RPS3: variants seen among roughly 807,000 people sequenced by gnomAD.
RPS3 encodes ribosomal protein S3.
A neutral mutation model predicts 25.8 loss-of-function variants in RPS3; 2 were observed. That is an observed-to-expected ratio of 0.08 (90% CI 0.03 to 0.24). The LOEUF is 0.24. Ranked by LOEUF, RPS3 falls within the 10% of genes least tolerant of loss-of-function variation. The pLI, the probability that RPS3 is intolerant of heterozygous loss-of-function variation, is 1.00. For missense variants in RPS3, 107 were observed against 307.1 expected, an observed-to-expected ratio of 0.35 and a Z score of 4.87; for synonymous variants, 114 against 114.2, an observed-to-expected ratio of 1.00 and a Z score of 0.01.
rs973917857 is a variant in RPS3 at position 75,404,485 on chromosome 11, A to G, written c.539-187A>G. 3 of 799,856 alleles carry G rather than the reference A, an allele frequency of 3.8e-6. No homozygotes were observed. Among genetic ancestry groups the G allele is most frequent in the East Asian group, 2.4e-5 (1 of 41,160 alleles). The allele number at this position is 799,856 out of a possible 1,614,324, so 49.5% of individuals were successfully genotyped here. On this transcript the variant is annotated intron_variant, in intron 5 of 6. Coordinates refer to ENST00000531188, the MANE Select transcript of RPS3 (RefSeq NM_001005.5). The surrounding 1 kb of genome is among the most constrained non-coding windows in gnomAD (Gnocchi z 4.6). ...CCTGCTCTTGGTCCTTGTCAGTGCC[A>G]TGTTCTGTGGTGCTGTGCACGAGTT...
chr11:75,400,618 A>G (rs1049045083), intron 1 of RPS3, 76 bp from the exon 2 acceptor site: 134 of 1,586,704 alleles, frequency 8.4e-5, no homozygotes, highest in Non-Finnish European at 1.1e-4. Flanking sequence ...GCATTGACTA[A>G]TAAGACTAGA....
chr11:75,408,173 T>C (rs1948307116), downstream of RPS3, among the ~76,000 whole-genome samples: 2 of 152,172 alleles, frequency 1.3e-5, no homozygotes, highest in African/African-American at 2.4e-5. Flanking sequence ...GATTATTGAA[T>C]TATCAAAGTG....
At chr11:75,405,376 G>A (rs1948271676) in intron 6 of RPS3, 1 of 290,114 alleles carries the variant, frequency 3.4e-6, no homozygotes, top group East Asian at 9.7e-5. Flanking sequence ...TCCTTTAGCA[G>A]CCCCTGTAAA....
At chr11:75,400,348 A>G (rs1316474593) in intron 1 of RPS3, 2 of 521,300 alleles carry the variant, frequency 3.8e-6, no homozygotes, top group Non-Finnish European at 7.6e-6. Context: ...TAAATAGGCC[A>G]TTAGAGCAGT....
intron 6 of RPS3, among the ~76,000 whole-genome samples, chr11:75,414,544 G>T (rs1367299939): frequency 6.6e-6 from 1 of 152,178 alleles, no homozygotes; most frequent in Non-Finnish European, 1.5e-5. Context: ...CCAGGAGGCG[G>T]AGCTTGCAGT....
chr11:75,408,480 T>TA (rs1554990311), downstream of RPS3, among the ~76,000 whole-genome samples: 70 of 140,408 alleles, frequency 5.0e-4, no homozygotes, highest in East Asian at 1.4e-3. Context: ...CTCAAAAAAA[T>TA]AAAAAAAAAA....
chr11:75,410,487 C>G (rs1289969746), downstream of RPS3, among the ~76,000 whole-genome samples: 328 of 150,356 alleles, frequency 2.2e-3, 2 homozygotes, highest in African/African-American at 7.9e-3. Context: ...TGGGCAGAGA[C>G]GCTCCTCACT....
downstream of RPS3, among the ~76,000 whole-genome samples, chr11:75,411,097 C>T (rs565046508): frequency 3.9e-4 from 59 of 152,090 alleles, 1 homozygote; most frequent in African/African-American, 1.4e-3. Context: ...AGGATGGTCT[C>T]GATCTCTTGA....
At chr11:75,402,093 G>A in intron 3 of RPS3, 1 of 565,174 alleles carries the variant, frequency 1.8e-6, no homozygotes, top group Non-Finnish European at 3.2e-6. Context: ...GTATATGATG[G>A]TGGTGTCCGA....
rs1948287757 is a variant in RPS3, at chr11:75,406,342, C to T, written c.*732C>T. ...TTTTTCAGGCAAAACTAGTGAGGGACAGGTTGGCTTGAAAATCATGAGACT... is the reference window on the plus strand; with the variant it reads ...TTTTTCAGGCAAAACTAGTGAGGGATAGGTTGGCTTGAAAATCATGAGACT... On this transcript the variant is annotated 3_prime_UTR_variant, in exon 7 of 7. Coordinates refer to ENST00000531188, the MANE Select transcript of RPS3 (RefSeq NM_001005.5). 6.6e-6 allele frequency: 1 copy of T among 152,210 alleles called. No homozygotes were observed. Among genetic ancestry groups the T allele is most frequent in the African/African-American group, 2.4e-5 (1 of 41,460 alleles). The allele number at this position is 152,210 out of a possible 1,614,324, so 9.4% of individuals were successfully genotyped here. A position where few individuals can be genotyped will look rare whatever the true frequency, so the allele number is the denominator to read the frequency against.
intron 3 of RPS3, 152 bp from the exon 4 acceptor site, chr11:75,402,200 C>A: frequency 2.7e-6 from 3 of 1,117,810 alleles, no homozygotes; most frequent in Non-Finnish European, 3.9e-6. Flanking sequence ...TTGTGTTGGG[C>A]CACAATCAAA....
intron 2 of RPS3, among the ~76,000 whole-genome samples, 188 bp downstream of exon 2, chr11:75,401,012 A>G (rs550015312): frequency 1.2e-4 from 18 of 152,200 alleles, no homozygotes; most frequent in Non-Finnish European, 2.2e-4. Flanking sequence ...CCTCCCGAGT[A>G]GCTGGGACTA....
intron 6 of RPS3, among the ~76,000 whole-genome samples, chr11:75,418,100 A>G (rs1948413932): frequency 6.6e-6 from 1 of 152,202 alleles, no homozygotes; most frequent in Non-Finnish European, 1.5e-5. Flanking sequence ...GTTTTCCACA[A>G]GTCTGCCCCA....
chr11:75,400,021 C>A (rs1378833120), intron 1 of RPS3, among the ~76,000 whole-genome samples: 3 of 152,162 alleles, frequency 2.0e-5, no homozygotes, highest in Non-Finnish European at 4.4e-5. Context: ...TTGCTTGCTC[C>A]GTCTGGGGAC....
At chr11:75,413,668 GCA>G (rs1466664856) in intron 6 of RPS3, among the ~76,000 whole-genome samples, 5 of 152,172 alleles carry the variant, frequency 3.3e-5, no homozygotes, top group African/African-American at 9.7e-5. Context: ...GCAGCTTAAT[GCA>G]CAGTTTGTTC....
intron 4 of RPS3, 124 bp downstream of exon 4, chr11:75,402,570 A>G (rs985640679): frequency 9.9e-7 from 1 of 1,007,380 alleles, no homozygotes; most frequent in Non-Finnish European, 1.4e-6. Flanking sequence ...CCAGGGTTAT[A>G]ATAAGATACT....
At chr11:75,402,117 G>A (rs975679619) in intron 3 of RPS3, 10 of 587,038 alleles carry the variant, frequency 1.7e-5, no homozygotes, top group East Asian at 5.8e-5. Flanking sequence ...TTTGGCCTCC[G>A]TAGGCTACGT....
At chr11:75,414,414 T>C (rs1036504917) in intron 6 of RPS3, among the ~76,000 whole-genome samples, 4 of 152,058 alleles carry the variant, frequency 2.6e-5, no homozygotes, top group Admixed American at 2.0e-4. Flanking sequence ...GATTGAGACC[T>C]TCCTGGCTAA....
chr11:75,406,917 T>A (rs1948295688), downstream of RPS3: 1 of 152,208 alleles, frequency 6.6e-6, no homozygotes, highest in African/African-American at 2.4e-5. Flanking sequence ...AGTCTAAGGA[T>A]GTGCCTAGGT....
Sources: allele counts gnomAD v4.1 joint callset (sites outside exome capture counted in the v4.1 genomes callset), GRCh38; gene constraint gnomAD v4.1.1; non-coding constraint Gnocchi (gnomAD v3.1); transcripts MANE v1.5; gene names NCBI Gene and HGNC (gene_info 2026-07-23, HGNC 2026-07-21).